SOX5: variants seen among roughly 807,000 people sequenced by gnomAD.
SOX5 encodes the protein SRY-box transcription factor 5.
SOX5 carries 9 observed loss-of-function variants against 92.0 expected under a neutral mutation model. The observed-to-expected ratio is 0.10, with a 90% CI of 0.06 to 0.17. SOX5 has a LOEUF of 0.17. SOX5 is among the 10% of genes least tolerant of loss of function. SOX5 has a pLI of 1.00. For missense variants in SOX5, 642 were observed against 944.5 expected (o/e 0.68, Z 4.20); for synonymous variants, 344 against 336.3 (o/e 1.02, Z -0.25).
intron 3 of SOX5, 50 bp from the exon 4 acceptor site, chr12:23,755,774 AT>A: frequency 8.3e-7 from 1 of 1,205,472 alleles, no homozygotes; most frequent in Non-Finnish European, 1.2e-6. Context: ...TCTCCTTACA[AT>A]GGAGCTCATT....
chr12:23,667,811 C>T (rs2084066982), intron 6 of SOX5, among the ~76,000 whole-genome samples: 1 of 152,092 alleles, frequency 6.6e-6, no homozygotes, highest in Admixed American at 6.6e-5. Context: ...GAGTACTGTA[C>T]TATTAATAAA....
chr12:24,384,777 C>A (rs1958207110), intron 1 of SOX5, among the ~76,000 whole-genome samples: 1 of 152,072 alleles, frequency 6.6e-6, no homozygotes, highest in African/African-American at 2.4e-5. Flanking sequence ...AATGTGTTGC[C>A]CCTCAAAGTA....
chr12:24,523,789 C>T (rs1171326072), intron 1 of SOX5, among the ~76,000 whole-genome samples: 5 of 152,124 alleles, frequency 3.3e-5, no homozygotes, highest in African/African-American at 1.2e-4. Context: ...CTACAAAACT[C>T]CTGGGAGAAA....
At chr12:24,354,545 C>G (rs1214652721) in intron 2 of SOX5, among the ~76,000 whole-genome samples, 1 of 152,222 alleles carries the variant, frequency 6.6e-6, no homozygotes, top group East Asian at 1.9e-4. Context: ...AGCAGAGCAG[C>G]TGCTTGGAAA....
chr12:24,298,662 C>A (rs532642954), intron 2 of SOX5, among the ~76,000 whole-genome samples: 15 of 150,068 alleles, frequency 1.0e-4, no homozygotes, highest in African/African-American at 3.7e-4. Flanking sequence ...TTTACATATA[C>A]TTTTTTCATT....
intron 6 of SOX5, among the ~76,000 whole-genome samples, chr12:23,666,272 A>T (rs1358845329): frequency 6.6e-6 from 1 of 152,158 alleles, no homozygotes; most frequent in East Asian, 1.9e-4. Context: ...AAGCAACTGA[A>T]GGACTCCTTA....
At chr12:23,936,849 T>A (rs184833216) in intron 1 of SOX5, among the ~76,000 whole-genome samples, 1 of 151,182 alleles carries the variant, frequency 6.6e-6, no homozygotes, top group Non-Finnish European at 1.5e-5. Flanking sequence ...TATTTTACAT[T>A]CTTTCTTTGA....
chr12:24,268,992 T>G (rs1943362398), intron 3 of SOX5, among the ~76,000 whole-genome samples: 1 of 152,186 alleles, frequency 6.6e-6, no homozygotes, highest in South Asian at 2.1e-4. Flanking sequence ...GATGATAGAT[T>G]TGTCAACAAA....
At chr12:23,877,991 A>AT (rs2096947226) in intron 2 of SOX5, among the ~76,000 whole-genome samples, 2 of 151,476 alleles carry the variant, frequency 1.3e-5, no homozygotes, top group African/African-American at 4.8e-5. Flanking sequence ...GTTTTATTAT[A>AT]TTTTTTCTGC....
chr12:24,314,535 TAAA>T (rs536101513), intron 2 of SOX5, among the ~76,000 whole-genome samples: 48 of 146,956 alleles, frequency 3.3e-4, no homozygotes, highest in Admixed American at 1.4e-3. Context: ...AATTAAAAAA[TAAA>T]AAAAAAACTA....
intron 4 of SOX5, among the ~76,000 whole-genome samples, chr12:24,178,360 T>C (rs1424686492): frequency 6.6e-6 from 1 of 150,836 alleles, no homozygotes; most frequent in South Asian, 2.1e-4. Flanking sequence ...AAGGGTAACA[T>C]AGTGAAGAAG....
At chr12:23,616,794 G>C (rs1466230236) in intron 8 of SOX5, among the ~76,000 whole-genome samples, 1 of 152,010 alleles carries the variant, frequency 6.6e-6, no homozygotes, top group African/African-American at 2.4e-5. Flanking sequence ...GTGGACAAAG[G>C]CCTCAAAAGG....
chr12:24,527,248 GAGAGTTTAACCTCCCC>G (rs1393826880), intron 1 of SOX5, among the ~76,000 whole-genome samples: 1 of 152,148 alleles, frequency 6.6e-6, no homozygotes, highest in Non-Finnish European at 1.5e-5. Context: ...TAGCTACTGG[GAGAGTTTAACCTCCCC>G]AGAGAAGTGC....
At chr12:23,756,824 G>A (rs985697530) in intron 3 of SOX5, among the ~76,000 whole-genome samples, 5 of 151,884 alleles carry the variant, frequency 3.3e-5, no homozygotes, top group Non-Finnish European at 7.4e-5. Context: ...CAAAGGGACC[G>A]TCTGGCCTAG....
chr12:24,115,374 G>C (rs1011470387), intron 4 of SOX5, among the ~76,000 whole-genome samples: 2 of 152,206 alleles, frequency 1.3e-5, no homozygotes, highest in African/African-American at 4.8e-5. Flanking sequence ...CAGTGTTCGA[G>C]CAGAATGAAA....
chr12:24,129,108 T>A (rs1949397985), intron 4 of SOX5, among the ~76,000 whole-genome samples: 1 of 152,220 alleles, frequency 6.6e-6, no homozygotes, highest in South Asian at 2.1e-4. Context: ...ATAATGGGTA[T>A]AATCAGTTGG....
intron 1 of SOX5, among the ~76,000 whole-genome samples, chr12:23,898,581 A>C (rs1172320044): frequency 1.3e-5 from 2 of 152,262 alleles, no homozygotes; most frequent in African/African-American, 4.8e-5. Context: ...GTTAAGGTAG[A>C]CTGACAAGAC....
At chr12:24,174,712 T>G (rs962834941) in intron 4 of SOX5, among the ~76,000 whole-genome samples, 1 of 151,840 alleles carries the variant, frequency 6.6e-6, no homozygotes, top group African/African-American at 2.4e-5. Flanking sequence ...TCCCAGCTGC[T>G]CAGGAGGCTG....
At chr12:24,115,229 AAAACAT>A (rs1204975500) in intron 4 of SOX5, among the ~76,000 whole-genome samples, 45 of 152,212 alleles carry the variant, frequency 3.0e-4, no homozygotes, top group Non-Finnish European at 1.9e-4. Flanking sequence ...CTTGCTGTTC[AAAACAT>A]AAACAAGAAC....
Sources: gnomAD v4.1 joint callset for allele counts (sites outside exome capture counted in the v4.1 genomes callset) on GRCh38, gnomAD v4.1.1 for gene constraint, MANE v1.5 for transcripts, NCBI Gene and HGNC (gene_info 2026-07-23, HGNC 2026-07-21) for gene names.